The following TMEM43 variants were observed in gnomAD, a reference collection of about 807,000 sequenced individuals.
The protein encoded by TMEM43 is transmembrane protein 43, also known as arrhythmogenic right ventricular dysplasia 5.
Under a neutral mutation model 49.6 loss-of-function variants are expected in TMEM43, and 45 were observed. The observed-to-expected ratio is 0.91, with a 90% CI of 0.71 to 1.16. TMEM43 has a LOEUF of 1.16. TMEM43 is among the 50% of genes most tolerant of loss of function. TMEM43 has a pLI of 0.00. For synonymous variants in TMEM43, 199 were observed against 207.8 expected, an observed-to-expected ratio of 0.96 and a Z score of 0.36; for missense variants, 532 against 516.6, an observed-to-expected ratio of 1.03 and a Z score of -0.29.
At chr3:14,139,127 T>C in intron 10 of TMEM43, 53 bp from the exon 11 acceptor site, 1 of 1,342,988 alleles carries the variant, frequency 7.4e-7, no homozygotes, top group Non-Finnish European at 1.1e-6. Context: ...CCCTGCCGAC[T>C]GGGTACGCCA....
rs201085402 is a variant in TMEM43 at position 14,129,430 on chromosome 3, C to G, written c.31C>G (p.Arg11Gly). 4.3e-6 allele frequency: 7 copies of G among 1,613,688 alleles called. No individual in the cohort carries two copies. Among genetic ancestry groups the G allele is most frequent in the Non-Finnish European group, 5.9e-6 (7 of 1,179,878 alleles). The stretch of plus-strand genomic sequence containing the variant: ...TCTTCAGTATTCCAGTACCAGTACC[C>G]GGAGAGAACATGTCAAAGTTAAAAC... MAANYSSTSTRREHVKVKTSS... is the reference protein window; with the variant it reads MAANYSSTSTGREHVKVKTSS... Residue 11 changes from arginine to glycine, a missense_variant, in exon 2 of 12, where the codon CGG (arginine) becomes GGG (glycine). Transcript: ENST00000306077.
chr3:14,137,066 C>T lies in TMEM43; in HGVS notation c.882+1158C>T, dbSNP rs370705619. ...AAGGGTCAAGGCAGCAGACAGGCAT[C>T]AGGGGTTAGCTGTGACCTTTTGTTC... On this transcript the variant is annotated intron_variant, in intron 10 of 11. Coordinates refer to ENST00000306077, the MANE Select transcript of TMEM43 (RefSeq NM_024334.3). 209 of 149,816 alleles carry T rather than the reference C, an allele frequency of 1.4e-3. 15 individuals are homozygous for T. In the South Asian group the frequency reaches 0.041, roughly 29 times the overall value. The allele number at this position is 149,816 out of a possible 1,614,324, so 9.3% of individuals were successfully genotyped here. A position where few individuals can be genotyped will look rare whatever the true frequency, so the allele number is the denominator to read the frequency against.
intron 8 of TMEM43, 114 bp downstream of exon 8, chr3:14,135,005 G>T: frequency 6.4e-7 from 1 of 1,550,946 alleles, no homozygotes. Flanking sequence ...GCCAAGTGCA[G>T]CTGAGTGGGA....
chr3:14,133,666 C>T (rs1695128227), intron 6 of TMEM43, 73 bp from the exon 7 acceptor site: 3 of 1,451,778 alleles, frequency 2.1e-6, no homozygotes, highest in Admixed American at 1.7e-5. Flanking sequence ...CCCTGCCCAG[C>T]ACAAACAACC....
chr3:14,128,595 G>C (rs973037321), intron 1 of TMEM43, among the ~76,000 whole-genome samples: 2 of 152,162 alleles, frequency 1.3e-5, no homozygotes, highest in Non-Finnish European at 2.9e-5. Context: ...TGACCTCACT[G>C]CCCTAAGACT....
intron 1 of TMEM43, among the ~76,000 whole-genome samples, chr3:14,125,903 A>G (rs969571813): frequency 6.6e-6 from 1 of 152,178 alleles, no homozygotes; most frequent in Non-Finnish European, 1.5e-5. Context: ...CCCAACATTC[A>G]TTCAACAAGC....
chr3:14,130,255 C>T (rs1423837334), intron 2 of TMEM43, among the ~76,000 whole-genome samples: 3 of 152,060 alleles, frequency 2.0e-5, no homozygotes, highest in South Asian at 4.2e-4. Context: ...GTGTCCAGGG[C>T]GCACTCACAT....
chr3:14,132,940 G>T lies in TMEM43; in HGVS notation c.512+5G>T. On this transcript the variant is annotated splice_donor_5th_base_variant and intron_variant, in intron 6 of 11. Coordinates refer to ENST00000306077, the MANE Select transcript of TMEM43 (RefSeq NM_024334.3). ...GATTGGCCACAAAAACCCCAGGTGAGAGCCAGGCCCAAGGCCTGAGTGCAG... is the reference window on the plus strand; with the variant it reads ...GATTGGCCACAAAAACCCCAGGTGATAGCCAGGCCCAAGGCCTGAGTGCAG... 6.2e-7 allele frequency: 1 copy of T among 1,613,302 alleles called. No homozygotes were observed. Among genetic ancestry groups the T allele is most frequent in the South Asian group, 1.1e-5 (1 of 90,986 alleles).
Position 14,139,170 on chromosome 3 carries a change from T to G in TMEM43, c.883-10T>G. On this transcript the variant is annotated splice_polypyrimidine_tract_variant and intron_variant, in intron 10 of 11. Coordinates refer to ENST00000306077, the MANE Select transcript of TMEM43 (RefSeq NM_024334.3). The stretch of plus-strand genomic sequence containing the variant: ...TCAGCATCCTGACCTGCCCCCACCT[T>G]GTCCTGCAGGAGGTGTTTCATAGAG... The G allele has an allele frequency of 6.2e-7, 1 of 1,606,760 alleles. No individual in the cohort carries two copies.
chr3:14,136,897 T>A (rs972963781), intron 10 of TMEM43, among the ~76,000 whole-genome samples: 1 of 149,196 alleles, frequency 6.7e-6, no homozygotes, highest in Non-Finnish European at 1.5e-5. Context: ...TTAGCCTGTC[T>A]TCTCTAGGCA....
intron 1 of TMEM43, among the ~76,000 whole-genome samples, chr3:14,127,598 G>A (rs1275739297): frequency 1.3e-5 from 2 of 152,252 alleles, no homozygotes; most frequent in African/African-American, 2.4e-5. Flanking sequence ...TTTTCTTATC[G>A]GTGAAATGGG....
intron 11 of TMEM43, 100 bp from the exon 12 acceptor site, chr3:14,141,493 G>T: frequency 8.6e-7 from 1 of 1,158,434 alleles, no homozygotes; most frequent in Non-Finnish European, 1.3e-6. Flanking sequence ...CCTCATGCAT[G>T]TAGCAACATG....
chr3:14,137,487 TAGC>T lies in TMEM43; in HGVS notation c.882+1583_882+1585del, dbSNP rs553330414. Reference sequence around the variant, plus strand: ...CTTACCCCCTGGGTCTCCTGCTGCTTAGCAGCCCCAAAGCCCTGTCTTCCCCCA... The same window carrying T: ...CTTACCCCCTGGGTCTCCTGCTGCTTAGCCCCAAAGCCCTGTCTTCCCCCA... On this transcript the variant is annotated intron_variant, in intron 10 of 11. Transcript: ENST00000306077. 2.7e-3 allele frequency among the ~76,000 whole-genome samples: 406 copies of T among 152,202 alleles called. 1 individual carries two copies. Among genetic ancestry groups the T allele is most frequent in the African/African-American group, 9.4e-3 (391 of 41,526 alleles).
At chr3:14,134,729 C>T in intron 7 of TMEM43, 41 bp from the exon 8 acceptor site, 2 of 1,613,654 alleles carry the variant, frequency 1.2e-6, no homozygotes, top group East Asian at 2.2e-5. Context: ...TTGAGGTTTT[C>T]ACCTGGTCCC....
Position 14,128,932 on chromosome 3 carries a change from A to G in TMEM43, c.13-480A>G, listed in dbSNP as rs900945448. The G allele has an allele frequency of 1.3e-5, 6 of 456,374 alleles. No homozygotes were observed. The East Asian group carries it at 3.5e-4, about 26-fold the overall frequency. 28.3% of individuals were successfully genotyped at this position (456,374 alleles called of 1,614,324 possible). A position where few individuals can be genotyped will look rare whatever the true frequency, so the allele number is the denominator to read the frequency against. On this transcript the variant is annotated intron_variant, in intron 1 of 11. Coordinates refer to ENST00000306077, the MANE Select transcript of TMEM43 (RefSeq NM_024334.3). ...ACTGTGGTATAGTCATAAATGGAAT[A>G]CTACTCAGCCATGAAAAGGAACAAA...
At chr3:14,136,690 G>A (rs1176284647) in intron 10 of TMEM43, among the ~76,000 whole-genome samples, 4 of 136,378 alleles carry the variant, frequency 2.9e-5, no homozygotes, top group Non-Finnish European at 5.9e-5. Context: ...AGCCCAGAGC[G>A]GGGAGAGGGA....
intron 1 of TMEM43, 78 bp from the exon 2 acceptor site, chr3:14,129,334 A>AT: frequency 2.4e-6 from 2 of 849,708 alleles, no homozygotes; most frequent in South Asian, 1.9e-5. Context: ...AAAAAAAAAA[A>AT]TTGAGTATAA....
chr3:14,132,467 C>G (rs1414837197), intron 4 of TMEM43, 79 bp from the exon 5 acceptor site: 2 of 1,524,638 alleles, frequency 1.3e-6, no homozygotes, highest in Non-Finnish European at 1.8e-6. Flanking sequence ...CCTGAGGTTG[C>G]TTCCTGCTCA....
In TMEM43 at chr3:14,132,851, C is replaced by A; in HGVS notation, c.443-15C>A. The stretch of plus-strand genomic sequence containing the variant: ...CTCCTACCCGGGCTCTGAGTTGATT[C>A]CTCTCCCTGAGCAGACACTGAATGG... On this transcript the variant is annotated splice_polypyrimidine_tract_variant and intron_variant, in intron 5 of 11. Coordinates refer to ENST00000306077, the MANE Select transcript of TMEM43 (RefSeq NM_024334.3). 1 of 1,613,476 alleles carries A rather than the reference C, an allele frequency of 6.2e-7. No homozygotes were observed. Among genetic ancestry groups the A allele is most frequent in the African/African-American group, 1.3e-5 (1 of 75,016 alleles).
Sources: gnomAD v4.1 joint callset for allele counts (sites outside exome capture counted in the v4.1 genomes callset) on GRCh38, gnomAD v4.1.1 for gene constraint, MANE v1.5 for transcripts, NCBI Gene and HGNC (gene_info 2026-07-23, HGNC 2026-07-21) for gene names.